Variants in CTNNA3 observed in about 807,000 individuals in gnomAD.
CTNNA3 encodes the protein catenin alpha 3.
Under a neutral mutation model 95.7 loss-of-function variants are expected in CTNNA3, and 76 were observed. The ratio of observed to expected loss-of-function variants is 0.79; its 90% CI spans 0.66 to 0.96. The LOEUF (loss-of-function observed/expected upper bound fraction) is 0.96. CTNNA3 is among the 40% of genes least tolerant of loss of function. CTNNA3 has a pLI of 0.00. For synonymous variants in CTNNA3, 431 were observed against 374.4 expected (o/e 1.15, Z -1.74); for missense variants, 1,191 against 1,089.8 (o/e 1.09, Z -1.31).
At chr10:67,246,623 A>G (rs1233781174) in intron 5 of CTNNA3, among the ~76,000 whole-genome samples, 2 of 152,200 alleles carry the variant, frequency 1.3e-5, no homozygotes, top group African/African-American at 4.8e-5. Context: ...ACATCACGGA[A>G]TATCTTATAA....
rs546271685 is a variant in CTNNA3, at chr10:67,751,075, T to C, written c.-2+12359A>G. ...AATGTGACTGTGATCCCCAAGTCTGTGACACCAGCACGCATTGTTGAGAAC... is the reference window on the plus strand; with the variant it reads ...AATGTGACTGTGATCCCCAAGTCTGCGACACCAGCACGCATTGTTGAGAAC... On this transcript the variant is annotated intron_variant, in intron 1 of 17. Coordinates refer to the CTNNA3 transcript ENST00000684154. The C allele has an allele frequency of 4.8e-6, 7 of 1,456,310 alleles. No individual in the cohort carries two copies. The Admixed American group carries it at 8.4e-5, about 17-fold the overall frequency. The allele number at this position is 1,456,310 out of a possible 1,614,324, so 90.2% of individuals were successfully genotyped here.
chr10:66,172,971 A>G (rs957406263), intron 13 of CTNNA3, among the ~76,000 whole-genome samples: 1 of 152,110 alleles, frequency 6.6e-6, no homozygotes, highest in Non-Finnish European at 1.5e-5. Flanking sequence ...TGCACAATTA[A>G]GAAGACAGTA....
At chr10:67,086,529 C>CCAAA (rs745974567) in intron 7 of CTNNA3, among the ~76,000 whole-genome samples, 46 of 151,956 alleles carry the variant, frequency 3.0e-4, no homozygotes, top group Non-Finnish European at 5.2e-4. Flanking sequence ...CCAAGTCCTG[C>CCAAA]CAAAGCAGGA....
chr10:65,948,060 G>C (rs772758443), intron 17 of CTNNA3, among the ~76,000 whole-genome samples: 1 of 152,086 alleles, frequency 6.6e-6, no homozygotes, highest in Admixed American at 6.5e-5. Flanking sequence ...GGCGGATCAC[G>C]AGGTCAGGAG....
chr10:66,859,346 G>A (rs1450861385), intron 7 of CTNNA3, among the ~76,000 whole-genome samples: 3 of 151,540 alleles, frequency 2.0e-5, no homozygotes, highest in Admixed American at 6.6e-5. Flanking sequence ...CCATCAAAAA[G>A]TGGGCGAAGG....
intron 12 of CTNNA3, among the ~76,000 whole-genome samples, chr10:66,327,189 A>C (rs2092264428): frequency 6.6e-6 from 1 of 152,074 alleles, no homozygotes; most frequent in Admixed American, 6.5e-5. Context: ...ACTAAATTTG[A>C]TTGCAAAGTA....
chr10:67,360,715 G>A (rs937217488), intron 5 of CTNNA3, among the ~76,000 whole-genome samples: 1 of 152,102 alleles, frequency 6.6e-6, no homozygotes. Context: ...GCAGGAGCAA[G>A]AGCAGAGAGG....
intron 5 of CTNNA3, among the ~76,000 whole-genome samples, chr10:67,285,671 A>G (rs1295994852): frequency 6.6e-6 from 1 of 152,266 alleles, no homozygotes. Context: ...AATCCATTCT[A>G]TATAAAATAG....
chr10:67,370,957 C>CCCGGGTT (rs1320297188), intron 5 of CTNNA3, among the ~76,000 whole-genome samples: 1 of 148,832 alleles, frequency 6.7e-6, no homozygotes, highest in Non-Finnish European at 1.5e-5. Context: ...AGCTGCGCCT[C>CCCGGGTT]CCGGGTTCAC....
chr10:66,082,824 A>G (rs35376201), intron 14 of CTNNA3, among the ~76,000 whole-genome samples: 16,140 of 152,238 alleles, frequency 0.11, 1,050 homozygotes, highest in Non-Finnish European at 0.15. Flanking sequence ...ATTTTCAGTC[A>G]TTGGCATCCT....
intron 13 of CTNNA3, among the ~76,000 whole-genome samples, chr10:66,135,784 C>T (rs1360553252): frequency 6.6e-6 from 1 of 152,188 alleles, no homozygotes; most frequent in African/African-American, 2.4e-5. Flanking sequence ...AACAAAATAG[C>T]TTGCATGCAC....
chr10:66,593,378 C>G lies in CTNNA3; in HGVS notation c.1374+28314G>C, dbSNP rs961946660. Among the ~76,000 whole-genome samples the G allele has an allele frequency of 9.2e-5, 14 of 152,294 alleles. No homozygotes were observed. The South Asian group carries it at 1.4e-3, about 16-fold the overall frequency. ...GCTCCCCAGACTCTCTACTAGGCCACTCATGCACACCACTGGCTCCAGGTG... is the reference window on the plus strand; with the variant it reads ...GCTCCCCAGACTCTCTACTAGGCCAGTCATGCACACCACTGGCTCCAGGTG... On this transcript the variant is annotated intron_variant, in intron 10 of 17. Coordinates refer to ENST00000433211, the MANE Select transcript of CTNNA3 (RefSeq NM_013266.4).
rs571114643 is a variant in CTNNA3 at position 67,262,040 on chromosome 10, TATA to T, written c.580-42173_580-42171del. On this transcript the variant is annotated intron_variant, in intron 5 of 17. Transcript: ENST00000433211. ...CTCAATACACTTTAATGATGCATGG[TATA>T]ATATTGTACAATAATATTAAATATA... is the stretch of plus-strand genomic sequence containing the variant. Among the ~76,000 whole-genome samples, 35 of 152,310 alleles carry T rather than the reference TATA, an allele frequency of 2.3e-4. 1 individual carries two copies. The highest frequency in any genetic ancestry group is 8.4e-4 in the African/African-American group (35 of 41,574).
intron 15 of CTNNA3, among the ~76,000 whole-genome samples, chr10:66,009,085 G>A (rs2078954631): frequency 6.6e-6 from 1 of 151,738 alleles, no homozygotes; most frequent in Non-Finnish European, 1.5e-5. Context: ...GGGTGACAGA[G>A]TGAGACTCAA....
chr10:67,264,700 T>C (rs755128801), intron 5 of CTNNA3, among the ~76,000 whole-genome samples: 14 of 152,312 alleles, frequency 9.2e-5, no homozygotes, highest in Admixed American at 2.6e-4. Context: ...CTTCTTCTCA[T>C]TATAGATACC....
At chr10:66,758,486 G>T (rs78448941) in intron 9 of CTNNA3, among the ~76,000 whole-genome samples, 3 of 152,308 alleles carry the variant, frequency 2.0e-5, no homozygotes, top group Non-Finnish European at 4.4e-5. Flanking sequence ...TCAGGCTGAT[G>T]ATTAAAACAA....
At chr10:66,025,576 T>A (rs116840040) in intron 15 of CTNNA3, among the ~76,000 whole-genome samples, 2,152 of 152,350 alleles carry the variant, frequency 0.014, 36 homozygotes, top group African/African-American at 0.05. Context: ...ATCTACTATC[T>A]TCCTCACATC....
intron 9 of CTNNA3, among the ~76,000 whole-genome samples, chr10:66,744,817 C>T (rs1419241473): frequency 6.6e-6 from 1 of 152,092 alleles, no homozygotes. Context: ...AATGAAACTC[C>T]TGAATCTGAG....
intron 3 of CTNNA3, among the ~76,000 whole-genome samples, chr10:67,584,112 G>T (rs1327487561): frequency 1.3e-5 from 2 of 152,170 alleles, no homozygotes; most frequent in Non-Finnish European, 2.9e-5. Flanking sequence ...TGCTGGCAAG[G>T]AGCTGCATTC....
Sources: gnomAD v4.1 joint callset for allele counts (sites outside exome capture counted in the v4.1 genomes callset) on GRCh38, gnomAD v4.1.1 for gene constraint, MANE v1.5 for transcripts, NCBI Gene and HGNC (gene_info 2026-07-23, HGNC 2026-07-21) for gene names.